The following PRKN variants were observed in gnomAD, a reference collection of about 807,000 sequenced individuals.
The protein encoded by PRKN is E3 ubiquitin-protein ligase parkin.
A neutral mutation model predicts 59.5 loss-of-function variants in PRKN; 56 were observed. The ratio of observed to expected loss-of-function variants is 0.94; its 90% CI spans 0.76 to 1.18. The LOEUF (loss-of-function observed/expected upper bound fraction) is 1.18. PRKN is among the 50% of genes most tolerant of loss of function. PRKN has a pLI of 0.00. For synonymous variants in PRKN, 250 were observed against 222.1 expected (o/e 1.13, Z -1.12); for missense variants, 657 against 596.4 (o/e 1.10, Z -1.06).
intron 6 of PRKN, among the ~76,000 whole-genome samples, chr6:161,829,715 G>A (rs1208532062): frequency 6.6e-6 from 1 of 152,048 alleles, no homozygotes; most frequent in Admixed American, 6.6e-5. Context: ...AGCAAAGAAA[G>A]CAAAGGGAAG....
Position 161,531,355 on chromosome 6 carries a change from T to A in PRKN, c.1083+17499A>T, listed in dbSNP as rs551281731. Among the ~76,000 whole-genome samples the A allele has an allele frequency of 5.7e-4, 84 of 147,442 alleles. 1 individual carries two copies. The highest frequency in any genetic ancestry group is 2.0e-3 in the African/African-American group (80 of 39,836). ...GAGATCATGCCACTGCACTCCAGCC[T>A]GGATGACAGAGCGAGACTCCGTCTC... is the stretch of plus-strand genomic sequence containing the variant. On this transcript the variant is annotated intron_variant, in intron 9 of 11. Transcript: ENST00000366898.
intron 1 of PRKN, among the ~76,000 whole-genome samples, chr6:162,675,981 C>T (rs2128231368): frequency 6.6e-6 from 1 of 152,154 alleles, no homozygotes; most frequent in East Asian, 1.9e-4. Context: ...GCATAAAAAC[C>T]TGCAATTTCA....
At chr6:162,060,372 T>A (rs1418872029) in intron 4 of PRKN, among the ~76,000 whole-genome samples, 1 of 152,236 alleles carries the variant, frequency 6.6e-6, no homozygotes, top group African/African-American at 2.4e-5. Context: ...AGATGGCATT[T>A]GAGGACTGGT....
rs9456669 is a variant in PRKN, at chr6:161,440,214, A to G, written c.1084-53337T>C. Among the ~76,000 whole-genome samples, 2,240 of 152,130 alleles carry G rather than the reference A, an allele frequency of 0.015. 62 individuals are homozygous for G. Among genetic ancestry groups the G allele is most frequent in the African/African-American group, 0.05 (2,096 of 41,508 alleles). ...GTGATCCGCCCGTCTCGGCCTCCCA[A>G]AGTGCTGGGATTACAGGTGTGAGAC... is the stretch of plus-strand genomic sequence containing the variant. On this transcript the variant is annotated intron_variant, in intron 9 of 11. Coordinates refer to ENST00000366898, the MANE Select transcript of PRKN (RefSeq NM_004562.3). This position sits in a 1 kb window ranked among gnomAD's most constrained non-coding sequence, Gnocchi z 4.1.
intron 7 of PRKN, among the ~76,000 whole-genome samples, chr6:161,589,008 G>A (rs1226059792): frequency 6.6e-6 from 1 of 152,192 alleles, no homozygotes; most frequent in Non-Finnish European, 1.5e-5. Context: ...ATTTGTAACA[G>A]AAGGCCATTT....
At chr6:161,993,159 C>T (rs1033418175) in intron 5 of PRKN, among the ~76,000 whole-genome samples, 3 of 151,986 alleles carry the variant, frequency 2.0e-5, no homozygotes, top group African/African-American at 7.2e-5. Flanking sequence ...AGGATTACAA[C>T]AATAACAACT....
chr6:162,073,600 C>T (rs1582992415), intron 4 of PRKN, among the ~76,000 whole-genome samples: 1 of 152,116 alleles, frequency 6.6e-6, no homozygotes, highest in African/African-American at 2.4e-5. Flanking sequence ...TCCAGACGTG[C>T]ATCACCACAC....
rs1790555744 is a variant in PRKN, at chr6:161,467,763, C to A, written c.1084-80886G>T. On this transcript the variant is annotated intron_variant, in intron 9 of 11. Transcript: ENST00000366898. The surrounding 1 kb of genome is among the most constrained non-coding windows in gnomAD (Gnocchi z 4.3). Reference sequence around the variant, plus strand: ...GCCCAGCAAAATTCTACTTTTCCAGCCTTGCTTGCATTAGGGCTGATCAGT... The same window carrying A: ...GCCCAGCAAAATTCTACTTTTCCAGACTTGCTTGCATTAGGGCTGATCAGT... 6.6e-6 allele frequency among the ~76,000 whole-genome samples: 1 copy of A among 152,158 alleles called. No homozygotes were observed. Among genetic ancestry groups the A allele is most frequent in the Admixed American group, 6.5e-5 (1 of 15,272 alleles).
At chr6:162,667,799 T>C (rs1334003514) in intron 1 of PRKN, among the ~76,000 whole-genome samples, 1 of 152,168 alleles carries the variant, frequency 6.6e-6, no homozygotes, top group Non-Finnish European at 1.5e-5. Context: ...TTTAACTTCT[T>C]AGAGCCTCAG....
chr6:162,567,292 A>G (rs952870005), intron 1 of PRKN, among the ~76,000 whole-genome samples: 1 of 152,232 alleles, frequency 6.6e-6, no homozygotes, highest in African/African-American at 2.4e-5. Flanking sequence ...AGAGAAAGAA[A>G]TAAAAGGCAT....
chr6:161,657,198 T>C (rs780820698), intron 7 of PRKN, among the ~76,000 whole-genome samples: 5 of 152,028 alleles, frequency 3.3e-5, no homozygotes, highest in Non-Finnish European at 5.9e-5. Flanking sequence ...ACCTTAACTC[T>C]TCGTTCTCTT....
At chr6:161,865,844 A>G (rs1794091470) in intron 6 of PRKN, among the ~76,000 whole-genome samples, 2 of 152,096 alleles carry the variant, frequency 1.3e-5, no homozygotes, top group South Asian at 4.1e-4. Context: ...AGCACTTTTA[A>G]TTTCCTTCAA....
chr6:161,823,964 C>T lies in PRKN; in HGVS notation c.735-38056G>A, dbSNP rs141937740. Among the ~76,000 whole-genome samples the T allele has an allele frequency of 2.7e-3, 414 of 152,312 alleles. 1 individual carries two copies. The highest frequency in any genetic ancestry group is 9.2e-3 in the African/African-American group (382 of 41,560). ...CTGGTAGAAATCCCCCTGTGTCAGG[C>T]GGCCTTGGAGTGGTAATGGGTATTT... On this transcript the variant is annotated intron_variant, in intron 6 of 11. Coordinates refer to ENST00000366898, the MANE Select transcript of PRKN (RefSeq NM_004562.3).
rs1338410027 is a variant in PRKN, at chr6:161,527,395, C to G, written c.1083+21459G>C. On this transcript the variant is annotated intron_variant, in intron 9 of 11. Transcript: ENST00000366898. This position sits in a 1 kb window ranked among gnomAD's most constrained non-coding sequence, Gnocchi z 4.6. ...ACATTTCTGTAATTTGTGCTTCACACAAACAATTCCACCTATAAGGCCAGA... is the reference window on the plus strand; with the variant it reads ...ACATTTCTGTAATTTGTGCTTCACAGAAACAATTCCACCTATAAGGCCAGA... Among the ~76,000 whole-genome samples the G allele has an allele frequency of 6.6e-6, 1 of 151,918 alleles. No homozygotes were observed. Among genetic ancestry groups the G allele is most frequent in the Non-Finnish European group, 1.5e-5 (1 of 68,032 alleles).
At chr6:162,044,113 G>T (rs958822701) in intron 5 of PRKN, among the ~76,000 whole-genome samples, 1 of 152,132 alleles carries the variant, frequency 6.6e-6, no homozygotes, top group Non-Finnish European at 1.5e-5. Flanking sequence ...AGAAAAAATT[G>T]TACAAAATAA....
intron 4 of PRKN, among the ~76,000 whole-genome samples, chr6:162,143,596 A>G (rs539468581): frequency 2.6e-5 from 4 of 152,354 alleles, no homozygotes; most frequent in Admixed American, 2.0e-4. Context: ...TGCTGATATG[A>G]GCAGCCATAT....
intron 1 of PRKN, among the ~76,000 whole-genome samples, chr6:162,609,126 C>T (rs964701892): frequency 6.6e-6 from 1 of 152,190 alleles, no homozygotes; most frequent in African/African-American, 2.4e-5. Flanking sequence ...ATAAAGGCAA[C>T]CTCATCAAAC....
chr6:162,239,021 C>A (rs952390989), intron 3 of PRKN, among the ~76,000 whole-genome samples: 1 of 152,084 alleles, frequency 6.6e-6, no homozygotes, highest in Admixed American at 6.5e-5. Flanking sequence ...CACAAGTATC[C>A]AACAAATGAC....
chr6:162,466,792 C>CT (rs953483031), intron 1 of PRKN, among the ~76,000 whole-genome samples: 67 of 148,320 alleles, frequency 4.5e-4, no homozygotes, highest in Middle Eastern at 3.5e-3. Context: ...CTTTGTTTTC[C>CT]TTTTTTTTTT....
Sources: gnomAD v4.1 joint callset for allele counts (sites outside exome capture counted in the v4.1 genomes callset) on GRCh38, gnomAD v4.1.1 for gene constraint, Gnocchi (gnomAD v3.1) non-coding constraint, MANE v1.5 for transcripts, NCBI Gene and HGNC (gene_info 2026-07-23, HGNC 2026-07-21) for gene names.